The following PRKD1 variants were observed in gnomAD, a reference collection of about 807,000 sequenced individuals.
The protein encoded by PRKD1 is protein kinase D1, also known as serine/threonine-protein kinase D1.
In PRKD1, 63 loss-of-function variants were observed where a neutral mutation model predicts 95.9. That is an observed-to-expected ratio of 0.66 (90% CI 0.54 to 0.81). PRKD1 has a LOEUF of 0.81. Ranked by LOEUF, PRKD1 falls within the 30% of genes least tolerant of loss-of-function variation. The pLI, the probability that PRKD1 is intolerant of heterozygous loss-of-function variation, is 0.00. For synonymous variants in PRKD1, 425 were observed against 423.1 expected, an observed-to-expected ratio of 1.00 and a Z score of -0.05; for missense variants, 1,048 against 1,165.3, an observed-to-expected ratio of 0.90 and a Z score of 1.47.
intron 16 of PRKD1, among the ~76,000 whole-genome samples, chr14:29,592,074 GA>G (rs1893148921): frequency 6.6e-6 from 1 of 152,010 alleles, no homozygotes; most frequent in African/African-American, 2.4e-5. Context: ...TCAAGGAACC[GA>G]GAAGGGTAAC....
intron 1 of PRKD1, among the ~76,000 whole-genome samples, chr14:29,828,690 T>C (rs1296641116): frequency 2.6e-5 from 4 of 152,202 alleles, no homozygotes; most frequent in Non-Finnish European, 5.9e-5. Context: ...CATGTACTTA[T>C]AAGCTTCATC....
intron 14 of PRKD1, 130 bp downstream of exon 14, chr14:29,599,526 C>G (rs1893435585): frequency 1.2e-6 from 1 of 853,654 alleles, no homozygotes; most frequent in African/African-American, 1.7e-5. Context: ...AATAAAGCCA[C>G]TACAACCTTT....
At chr14:29,632,009 C>T (rs1010062607) in intron 9 of PRKD1, among the ~76,000 whole-genome samples, 11 of 151,682 alleles carry the variant, frequency 7.3e-5, no homozygotes, top group Non-Finnish European at 1.6e-4. Flanking sequence ...CCATGTTGGC[C>T]AGGCTGGTCT....
intron 1 of PRKD1, among the ~76,000 whole-genome samples, chr14:29,752,087 A>G (rs114395500): frequency 1.3e-5 from 2 of 152,324 alleles, no homozygotes; most frequent in African/African-American, 4.8e-5. Flanking sequence ...TCAGAACTAC[A>G]CTAATTGATA....
At chr14:29,923,769 T>C (rs911605562) in intron 1 of PRKD1, among the ~76,000 whole-genome samples, 2 of 138,056 alleles carry the variant, frequency 1.4e-5, no homozygotes, top group African/African-American at 5.6e-5. Flanking sequence ...ATCATATTAA[T>C]GGCATCAAGC....
intron 1 of PRKD1, among the ~76,000 whole-genome samples, chr14:29,833,271 C>T (rs1191329536): frequency 1.3e-5 from 2 of 152,056 alleles, no homozygotes; most frequent in African/African-American, 4.8e-5. Flanking sequence ...CATCTAACAA[C>T]CTACCATTAG....
At chr14:29,634,782 C>A (rs1318471084) in intron 7 of PRKD1, among the ~76,000 whole-genome samples, 1 of 151,952 alleles carries the variant, frequency 6.6e-6, no homozygotes, top group African/African-American at 2.4e-5. Flanking sequence ...ATCTGTAATC[C>A]CAGCACTTTG....
Position 29,750,569 on chromosome 14 carries a change from C to G in PRKD1, c.265-24895G>C, listed in dbSNP as rs148517669. ...CAGCAGCTCAAGGCCAAGGCAGGAA[C>G]CAGCCTTGGACAGGACATCATCCTA... On this transcript the variant is annotated intron_variant, in intron 1 of 17. Transcript: ENST00000331968. Among the ~76,000 whole-genome samples, 583 of 151,966 alleles carry G rather than the reference C, an allele frequency of 3.8e-3. 5 individuals carry two copies. The highest frequency in any genetic ancestry group is 0.013 in the African/African-American group (539 of 41,420).
intron 11 of PRKD1, 79 bp downstream of exon 11, chr14:29,628,962 A>G (rs940969624): frequency 1.9e-6 from 2 of 1,056,320 alleles, no homozygotes; most frequent in Admixed American, 2.9e-5. Context: ...ATTAAAATGA[A>G]TTAAAAAAAC....
chr14:29,715,506 C>A (rs1885561902), intron 2 of PRKD1, among the ~76,000 whole-genome samples: 1 of 152,090 alleles, frequency 6.6e-6, no homozygotes, highest in South Asian at 2.1e-4. Context: ...GGTTGCACTG[C>A]ATATCTCTCA....
At chr14:29,745,724 C>A (rs1294050692) in intron 1 of PRKD1, among the ~76,000 whole-genome samples, 3 of 152,050 alleles carry the variant, frequency 2.0e-5, no homozygotes, top group African/African-American at 4.8e-5. Flanking sequence ...GATCCTCCTG[C>A]CTCGGCCTCC....
At chr14:29,646,674 C>T (rs1205820927) in intron 4 of PRKD1, among the ~76,000 whole-genome samples, 1 of 151,714 alleles carries the variant, frequency 6.6e-6, no homozygotes, top group Non-Finnish European at 1.5e-5. Context: ...GATGACCTAA[C>T]CTGCTGTTAG....
intron 1 of PRKD1, among the ~76,000 whole-genome samples, chr14:29,926,739 C>T (rs1895310798): frequency 6.6e-6 from 1 of 152,142 alleles, no homozygotes; most frequent in Non-Finnish European, 1.5e-5. Context: ...TACCTGCACT[C>T]CTGGTCAGTT....
At chr14:29,877,097 A>T (rs1893326348) in intron 1 of PRKD1, among the ~76,000 whole-genome samples, 2 of 152,228 alleles carry the variant, frequency 1.3e-5, no homozygotes, top group African/African-American at 4.8e-5. Context: ...GGTTGCAGTG[A>T]GCCAAAATCG....
chr14:29,893,308 A>ACTTT lies in PRKD1; in HGVS notation c.264+33940_264+33941insAAAG, dbSNP rs1042879413. ...CCAAATTTTCTTGTTGAAAATTTAA[A>ACTTT]AATAAAGATGTTAATAACCAAAGTT... is the stretch of plus-strand genomic sequence containing the variant. On this transcript the variant is annotated intron_variant, in intron 1 of 17. Coordinates refer to ENST00000331968, the MANE Select transcript of PRKD1 (RefSeq NM_002742.3). Among the ~76,000 whole-genome samples, 143 of 152,150 alleles carry ACTTT rather than the reference A, an allele frequency of 9.4e-4. 3 individuals carry two copies. The highest frequency in any genetic ancestry group is 3.3e-3 in the African/African-American group (138 of 41,562).
chr14:29,760,482 T>C (rs1252548737), intron 1 of PRKD1, among the ~76,000 whole-genome samples: 1 of 151,334 alleles, frequency 6.6e-6, no homozygotes, highest in Non-Finnish European at 1.5e-5. Flanking sequence ...CAGCCTCCCA[T>C]GTAGCTGGGA....
chr14:29,876,250 T>A (rs547387696), intron 1 of PRKD1, among the ~76,000 whole-genome samples: 1 of 152,302 alleles, frequency 6.6e-6, no homozygotes, highest in East Asian at 1.9e-4. Flanking sequence ...GAGAATTATC[T>A]CACTATATGT....
chr14:29,920,015 GGGAAGGAA>G (rs398043721), intron 1 of PRKD1, among the ~76,000 whole-genome samples: 5,943 of 104,276 alleles, frequency 0.057, 153 homozygotes, highest in South Asian at 0.086. Flanking sequence ...GAAGGAAGGA[GGGAAGGAA>G]GGAAGGAAGG....
intron 1 of PRKD1, among the ~76,000 whole-genome samples, chr14:29,885,573 C>CA (rs1893672430): frequency 1.3e-5 from 2 of 151,738 alleles, no homozygotes; most frequent in Admixed American, 6.6e-5. Context: ...AAAACTAAAA[C>CA]AAAAAATGCT....
Sources: allele counts gnomAD v4.1 joint callset (sites outside exome capture counted in the v4.1 genomes callset), GRCh38; gene constraint gnomAD v4.1.1; transcripts MANE v1.5; gene names NCBI Gene and HGNC (gene_info 2026-07-23, HGNC 2026-07-21).